TMEM272: variants seen among roughly 807,000 people sequenced by gnomAD.
TMEM272 encodes transmembrane protein 272.
TMEM272 carries 8 observed loss-of-function variants against 3.7 expected under a neutral mutation model. That is an observed-to-expected ratio of 2.17 (90% CI 1.27 to 3.91). The LOEUF (loss-of-function observed/expected upper bound fraction) is 3.91. Among genes scored for constraint, TMEM272 ranks in the 30% most tolerant of loss-of-function variants. The pLI is 0.00. For missense variants in TMEM272, 166 were observed against 91.5 expected (o/e 1.81, Z -3.32); for synonymous variants, 63 against 39.8 (o/e 1.58, Z -2.20).
At chr13:51,886,805 C>T in the TMEM272 span, among the ~76,000 whole-genome samples, 1 of 152,106 alleles carries the variant, frequency 6.6e-6, no homozygotes, top group African/African-American at 2.4e-5. Flanking sequence ...ATATTTTGGT[C>T]CCTGTGCTAA....
the TMEM272 span, among the ~76,000 whole-genome samples, chr13:51,906,980 C>A: frequency 1.3e-5 from 2 of 152,258 alleles, no homozygotes; most frequent in Non-Finnish European, 2.9e-5. Flanking sequence ...TCTGAAGCCA[C>A]ATCTTCTGTA....
At chr13:51,838,198 A>T (rs1380498081) in intron 2 of TMEM272, among the ~76,000 whole-genome samples, 1 of 152,232 alleles carries the variant, frequency 6.6e-6, no homozygotes, top group African/African-American at 2.4e-5. Context: ...CACTGATTGT[A>T]GCAGTGACTC....
chr13:51,915,928 C>G, the TMEM272 span, among the ~76,000 whole-genome samples: 2 of 152,110 alleles, frequency 1.3e-5, no homozygotes, highest in South Asian at 2.1e-4. Context: ...CAAAAATTAG[C>G]TGGGCGTGGT....
At chr13:51,880,709 C>A in the TMEM272 span, among the ~76,000 whole-genome samples, 1 of 152,148 alleles carries the variant, frequency 6.6e-6, no homozygotes, top group Non-Finnish European at 1.5e-5. Flanking sequence ...TCCATTGGGG[C>A]CACATTTTTG....
chr13:51,916,058 G>A, the TMEM272 span, among the ~76,000 whole-genome samples: 327 of 152,236 alleles, frequency 2.1e-3, no homozygotes, highest in African/African-American at 7.5e-3. Context: ...GGGTGACAGA[G>A]GGAGACCTCT....
the TMEM272 span, among the ~76,000 whole-genome samples, chr13:51,868,753 T>C: frequency 6.6e-6 from 1 of 152,238 alleles, no homozygotes; most frequent in Non-Finnish European, 1.5e-5. Context: ...ATGTCATTTA[T>C]GGTGTTTCAG....
the TMEM272 span, among the ~76,000 whole-genome samples, chr13:51,919,958 AGAAG>A: frequency 6.6e-6 from 1 of 152,218 alleles, no homozygotes; most frequent in African/African-American, 2.4e-5. Context: ...AAGGAAAGGA[AGAAG>A]GAAGGAAGGA....
chr13:51,840,938 G>T (rs1449738540), intron 1 of TMEM272, among the ~76,000 whole-genome samples: 1 of 152,202 alleles, frequency 6.6e-6, no homozygotes, highest in Non-Finnish European at 1.5e-5. Flanking sequence ...GGCCCAATGG[G>T]GTTTGCCAGG....
the TMEM272 span, chr13:51,909,701 A>G: frequency 1.2e-4 from 180 of 1,553,234 alleles, no homozygotes; most frequent in African/African-American, 2.3e-3. Context: ...CTTTTGGAGG[A>G]TTATCTAAGT....
the TMEM272 span, among the ~76,000 whole-genome samples, chr13:51,898,788 C>T: frequency 6.6e-6 from 1 of 151,692 alleles, no homozygotes; most frequent in South Asian, 2.1e-4. Flanking sequence ...GAGAGGCACC[C>T]AGCATGCTAA....
chr13:51,840,228 A>G (rs1484286334), intron 1 of TMEM272, among the ~76,000 whole-genome samples: 3 of 152,074 alleles, frequency 2.0e-5, no homozygotes, highest in Non-Finnish European at 4.4e-5. Flanking sequence ...CCAGAGCAAT[A>G]AAGGGGAAGA....
At chr13:51,904,100 G>A in the TMEM272 span, among the ~76,000 whole-genome samples, 1 of 152,134 alleles carries the variant, frequency 6.6e-6, no homozygotes, top group Non-Finnish European at 1.5e-5. Flanking sequence ...CTAGGCATGA[G>A]GTGGTTTTCT....
At chr13:51,894,001 A>G in the TMEM272 span, among the ~76,000 whole-genome samples, 1 of 152,212 alleles carries the variant, frequency 6.6e-6, no homozygotes, top group Non-Finnish European at 1.5e-5. Flanking sequence ...CACAGGACGG[A>G]GCCTGGAAGG....
At chr13:51,876,460 G>A in the TMEM272 span, among the ~76,000 whole-genome samples, 14 of 152,328 alleles carry the variant, frequency 9.2e-5, no homozygotes, top group African/African-American at 2.9e-4. Context: ...CATTACCTAT[G>A]CACAGATTCA....
the TMEM272 span, among the ~76,000 whole-genome samples, chr13:51,857,414 A>G: frequency 5.3e-5 from 8 of 152,144 alleles, no homozygotes; most frequent in Non-Finnish European, 7.4e-5. Context: ...AATATGGGTA[A>G]TTACAAATGT....
At chr13:51,913,578 A>G in the TMEM272 span, among the ~76,000 whole-genome samples, 1 of 152,166 alleles carries the variant, frequency 6.6e-6, no homozygotes, top group African/African-American at 2.4e-5. Context: ...AACCCAGGCC[A>G]GGCTGCAACT....
chr13:51,815,339 G>T lies in TMEM272; in HGVS notation c.*1412C>A, dbSNP rs1315587301. On this transcript the variant is annotated 3_prime_UTR_variant, in exon 5 of 5. Coordinates refer to ENST00000629372, the MANE Select transcript of TMEM272 (RefSeq NM_001351003.2). ...CTTTCTTCTCACCTGGGAGGAAAGGGGGACTAACGGTGACTGCCCGGGGAG... is the reference window on the plus strand; with the variant it reads ...CTTTCTTCTCACCTGGGAGGAAAGGTGGACTAACGGTGACTGCCCGGGGAG... 1.3e-5 allele frequency: 2 copies of T among 152,652 alleles called. No homozygotes were observed. The highest frequency in any genetic ancestry group is 4.8e-5 in the African/African-American group (2 of 41,440). 9.5% of individuals were successfully genotyped at this position (152,652 alleles called of 1,614,324 possible). A position where few individuals can be genotyped will look rare whatever the true frequency, so the allele number is the denominator to read the frequency against.
rs1358960374 is a variant in TMEM272 at position 51,814,099 on chromosome 13, C to T, written c.*2652G>A. On this transcript the variant is annotated 3_prime_UTR_variant, in exon 5 of 5. Coordinates refer to ENST00000629372, the MANE Select transcript of TMEM272 (RefSeq NM_001351003.2). ...CAGGCCATGCCAAGGATTATAACTTCTTCTATAACCAGGAACTTCTTACAC... is the reference window on the plus strand; with the variant it reads ...CAGGCCATGCCAAGGATTATAACTTTTTCTATAACCAGGAACTTCTTACAC... The T allele has an allele frequency of 6.6e-6, 1 of 152,272 alleles. No individual in the cohort carries two copies. The highest frequency in any genetic ancestry group is 6.5e-5 in the Admixed American group (1 of 15,280). The allele number at this position is 152,272 out of a possible 1,614,324, so 9.4% of individuals were successfully genotyped here.
At chr13:51,860,163 A>C in the TMEM272 span, among the ~76,000 whole-genome samples, 8 of 152,256 alleles carry the variant, frequency 5.3e-5, no homozygotes, top group Admixed American at 2.6e-4. Flanking sequence ...CGGCCTCCCA[A>C]AGTGCTAGGA....
Sources: gnomAD v4.1 joint callset for allele counts (sites outside exome capture counted in the v4.1 genomes callset) on GRCh38, gnomAD v4.1.1 for gene constraint, MANE v1.5 for transcripts, NCBI Gene and HGNC (gene_info 2026-07-23, HGNC 2026-07-21) for gene names.